TUBA1A: variants seen among roughly 807,000 people sequenced by gnomAD.
The protein encoded by TUBA1A is tubulin alpha-1A chain.
Under a neutral mutation model 34.6 loss-of-function variants are expected in TUBA1A, and 7 were observed. The observed-to-expected ratio is 0.20, with a 90% CI of 0.11 to 0.38. The LOEUF is 0.38. TUBA1A is among the 10% of genes least tolerant of loss of function. TUBA1A has a pLI of 1.00. For missense variants in TUBA1A, 19 were observed against 581.3 expected (o/e 0.03, Z 9.95); for synonymous variants, 193 against 210.2 (o/e 0.92, Z 0.71).
chr12:49,187,838 A>G (rs986243381), intron 1 of TUBA1A: 10 of 976,718 alleles, frequency 1.0e-5, no homozygotes, highest in South Asian at 4.8e-5. Flanking sequence ...TTTGCATCCA[A>G]TAGAGGTTTT....
Position 49,188,996 on chromosome 12 carries a change from C to G in TUBA1A, c.-17G>C, listed in dbSNP as rs886704623. ...TCTCACCATGGTTGCTGCTTCGCGACTGCCGAGCTGATGGCGGAGACGAAG... is the reference window on the plus strand; with the variant it reads ...TCTCACCATGGTTGCTGCTTCGCGAGTGCCGAGCTGATGGCGGAGACGAAG... On this transcript the variant is annotated 5_prime_UTR_variant, in exon 1 of 4. Coordinates refer to ENST00000301071, the MANE Select transcript of TUBA1A (RefSeq NM_006009.4). The surrounding 1 kb of genome is among the most constrained non-coding windows in gnomAD (Gnocchi z 4.9). 1 of 1,614,166 alleles carries G rather than the reference C, an allele frequency of 6.2e-7. No homozygotes were observed. Among genetic ancestry groups the G allele is most frequent in the African/African-American group, 1.3e-5 (1 of 74,958 alleles).
chr12:49,186,109 T>A lies in TUBA1A; in HGVS notation c.376-119A>T. 6.6e-7 allele frequency: 1 copy of A among 1,524,726 alleles called. No homozygotes were observed. Among genetic ancestry groups the A allele is most frequent in the Non-Finnish European group, 8.8e-7 (1 of 1,133,742 alleles). 94.4% of individuals were successfully genotyped at this position (1,524,726 alleles called of 1,614,324 possible). A position where few individuals can be genotyped will look rare whatever the true frequency, so the allele number is the denominator to read the frequency against. On this transcript the variant is annotated intron_variant, in intron 3 of 3. Coordinates refer to ENST00000301071, the MANE Select transcript of TUBA1A (RefSeq NM_006009.4). This position sits in a 1 kb window ranked among gnomAD's most constrained non-coding sequence, Gnocchi z 6.6. ...AGGACTTAGATCTTATTTTGACAAA[T>A]GCTTTTTAAAAAATTCTCATTAACA...
rs1942220938 is a variant in TUBA1A, at chr12:49,189,042, A to T, written c.-63T>A. 15 of 1,609,262 alleles carry T rather than the reference A, an allele frequency of 9.3e-6. No individual in the cohort carries two copies. Among genetic ancestry groups the T allele is most frequent in the Non-Finnish European group, 1.3e-5 (15 of 1,175,708 alleles). ...CGAAGAGGAGAGGTTGTTGCTTCTT[A>T]CAGCGCGACTCTTAGGCGGTCGATG... On this transcript the variant is annotated 5_prime_UTR_variant, in exon 1 of 4. Transcript: ENST00000301071.
At chr12:49,187,464 T>G in intron 1 of TUBA1A, 1 of 986,624 alleles carries the variant, frequency 1.0e-6, no homozygotes, top group South Asian at 4.7e-5. Context: ...ATTGTGCTGT[T>G]TTGCCAGTTT....
chr12:49,187,269 C>A, intron 1 of TUBA1A: 2 of 1,090,484 alleles, frequency 1.8e-6, no homozygotes, highest in Non-Finnish European at 2.2e-6. Context: ...TGTACTGCAG[C>A]TGAGGCAAGA....
chr12:49,187,565 T>C (rs1942195901), intron 1 of TUBA1A: 1 of 984,904 alleles, frequency 1.0e-6, no homozygotes, highest in Non-Finnish European at 1.2e-6. Flanking sequence ...ATGCGGAGTA[T>C]AATTCTTCTT....
Position 49,186,361 on chromosome 12 carries a change from G to A in TUBA1A, c.324C>T (p.Tyr108=), listed in dbSNP as rs1236410746. 2 of 1,613,830 alleles carry A rather than the reference G, an allele frequency of 1.2e-6. No homozygotes were observed. Among genetic ancestry groups the A allele is most frequent in the African/African-American group, 1.3e-5 (1 of 75,048 alleles). Residue 108 remains tyrosine (Y), a synonymous_variant, in exon 3 of 4, where the codon TAC becomes TAT. Coordinates refer to ENST00000301071, the MANE Select transcript of TUBA1A (RefSeq NM_006009.4). This position sits in a 1 kb window ranked among gnomAD's most constrained non-coding sequence, Gnocchi z 6.6. ...GGTCAATGATCTCCTTGCCAATGGT[G>A]TAGTGCCCTCGGGCATAGTTATTGG... ...DAANNYARGH[Y]TIGKEIIDLV...
chr12:49,187,819 T>C (rs1942199136), intron 1 of TUBA1A: 1 of 983,810 alleles, frequency 1.0e-6, no homozygotes, highest in African/African-American at 1.8e-5. Flanking sequence ...TCACATAATA[T>C]TCATATTCTT....
Position 49,188,023 on chromosome 12 carries a change from G to GACACACACACACACACACACAC in TUBA1A, c.3+932_3+953dup, listed in dbSNP as rs58704368. Reference sequence around the variant, plus strand: ...AACGTGCAGTCCAGACAGACAGACAGACACACACACACACACACACACACT... The same window carrying GACACACACACACACACACACAC: ...AACGTGCAGTCCAGACAGACAGACAGACACACACACACACACACACACACACACACACACACACACACACACT... On this transcript the variant is annotated intron_variant, in intron 1 of 3. Coordinates refer to ENST00000301071, the MANE Select transcript of TUBA1A (RefSeq NM_006009.4). The surrounding 1 kb of genome is among the most constrained non-coding windows in gnomAD (Gnocchi z 4.9). 8.8e-6 allele frequency: 6 copies of GACACACACACACACACACACAC among 683,336 alleles called. No individual in the cohort carries two copies. The African/African-American group carries it at 1.4e-4, about 16-fold the overall frequency. The allele number at this position is 683,336 out of a possible 1,614,324, so 42.3% of individuals were successfully genotyped here.
chr12:49,188,335 A>G lies in TUBA1A; in HGVS notation c.3+642T>C. On this transcript the variant is annotated intron_variant, in intron 1 of 3. Coordinates refer to ENST00000301071, the MANE Select transcript of TUBA1A (RefSeq NM_006009.4). The surrounding 1 kb of genome is among the most constrained non-coding windows in gnomAD (Gnocchi z 4.9). ...AGGGCGAACCCCGCCCAGTGGCTCC[A>G]ACGCCATAGAAGCCAGAAACAAACA... The G allele has an allele frequency of 1.3e-6, 2 of 1,525,022 alleles. No individual in the cohort carries two copies. Among genetic ancestry groups the G allele is most frequent in the Admixed American group, 2.0e-5 (1 of 50,174 alleles). 94.5% of individuals were successfully genotyped at this position (1,525,022 alleles called of 1,614,324 possible). A position where few individuals can be genotyped will look rare whatever the true frequency, so the allele number is the denominator to read the frequency against.
intron 1 of TUBA1A, chr12:49,187,926 G>C (rs1942200946): frequency 1.0e-6 from 1 of 983,720 alleles, no homozygotes; most frequent in African/African-American, 1.8e-5. Context: ...GGGGCGGCGG[G>C]GAAGGGCGTT....
At position 49,188,100 on chromosome 12, in the gene TUBA1A, A is replaced by T; in HGVS notation, c.3+877T>A. ...CAGACACACACACACACACACACAC[A>T]CACACACACACACTTCAGTCGGTCA... On this transcript the variant is annotated intron_variant, in intron 1 of 3. Coordinates refer to ENST00000301071, the MANE Select transcript of TUBA1A (RefSeq NM_006009.4). The surrounding 1 kb of genome is among the most constrained non-coding windows in gnomAD (Gnocchi z 4.9). The T allele has an allele frequency of 1.0e-6, 1 of 984,400 alleles. No homozygotes were observed. Among genetic ancestry groups the T allele is most frequent in the Non-Finnish European group, 1.2e-6 (1 of 829,524 alleles). The allele number at this position is 984,400 out of a possible 1,614,324, so 61.0% of individuals were successfully genotyped here.
In TUBA1A at chr12:49,185,783, G is replaced by A; in HGVS notation, c.583C>T (p.Leu195=). ...ATGAAGGCACAATCAGAGTGCTCCA[G>A]GGTGGTGTGGGTGGTGAGGATGGAG... ...YNSILTTHTT[L]EHSDCAFMVD... is the part of the protein sequence containing the mutation. The change falls in exon 4 of 4, where the codon CTG becomes TTG. Residue 195 remains leucine, a synonymous_variant. Coordinates refer to ENST00000301071, the MANE Select transcript of TUBA1A (RefSeq NM_006009.4). 8.1e-6 allele frequency: 13 copies of A among 1,613,944 alleles called. No individual in the cohort carries two copies. The highest frequency in any genetic ancestry group is 1.1e-5 in the South Asian group (1 of 91,072).
chr12:49,188,726 G>A lies in TUBA1A; in HGVS notation c.3+251C>T. 6.9e-7 allele frequency: 1 copy of A among 1,449,628 alleles called. No individual in the cohort carries two copies. Among genetic ancestry groups the A allele is most frequent in the Non-Finnish European group, 9.0e-7 (1 of 1,110,060 alleles). The allele number at this position is 1,449,628 out of a possible 1,614,324, so 89.8% of individuals were successfully genotyped here. On this transcript the variant is annotated intron_variant, in intron 1 of 3. Transcript: ENST00000301071. This position sits in a 1 kb window ranked among gnomAD's most constrained non-coding sequence, Gnocchi z 4.9. Reference sequence around the variant, plus strand: ...CCCCGAAAGTCTCTCGGATAACACAGGCGCCTAGGCGCCGCCTTTGTTCCT... The same window carrying A: ...CCCCGAAAGTCTCTCGGATAACACAAGCGCCTAGGCGCCGCCTTTGTTCCT...
chr12:49,188,148 A>G lies in TUBA1A; in HGVS notation c.3+829T>C. The G allele has an allele frequency of 3.0e-6, 3 of 985,160 alleles. No homozygotes were observed. The highest frequency in any genetic ancestry group is 3.6e-6 in the Non-Finnish European group (3 of 829,880). 61.0% of individuals were successfully genotyped at this position (985,160 alleles called of 1,614,324 possible). A position where few individuals can be genotyped will look rare whatever the true frequency, so the allele number is the denominator to read the frequency against. On this transcript the variant is annotated intron_variant, in intron 1 of 3. Coordinates refer to ENST00000301071, the MANE Select transcript of TUBA1A (RefSeq NM_006009.4). This position sits in a 1 kb window ranked among gnomAD's most constrained non-coding sequence, Gnocchi z 4.9. ...TCAGGGCAGGGCGTCCCCAGACCAG[A>G]CATTAAAGAGCTTGTGAAGTGAATT... is the stretch of plus-strand genomic sequence containing the variant.
At position 49,186,906 on chromosome 12, in the gene TUBA1A, AAATATTTCTAAT is replaced by A; in HGVS notation, c.4-85_4-74del. On this transcript the variant is annotated intron_variant, in intron 1 of 3. Coordinates refer to ENST00000301071, the MANE Select transcript of TUBA1A (RefSeq NM_006009.4). This position sits in a 1 kb window ranked among gnomAD's most constrained non-coding sequence, Gnocchi z 6.6. ...ATTTCAAACTTATAGGAAATTTCAA[AAATATTTCTAAT>A]AATATACAGATATTTTTCTAAATTA... 1.5e-5 allele frequency: 24 copies of A among 1,575,766 alleles called. No individual in the cohort carries two copies. The highest frequency in any genetic ancestry group is 2.1e-5 in the Non-Finnish European group (24 of 1,162,656).
At position 49,189,014 on chromosome 12, in the gene TUBA1A, A is replaced by G. The variant is rs1592261676; in HGVS notation, c.-35T>C. 3 of 1,613,954 alleles carry G rather than the reference A, an allele frequency of 1.9e-6. No individual in the cohort carries two copies. The highest frequency in any genetic ancestry group is 1.7e-5 in the Admixed American group (1 of 60,004). ...TTCGCGACTGCCGAGCTGATGGCGG[A>G]GACGAAGAGGAGAGGTTGTTGCTTC... is the stretch of plus-strand genomic sequence containing the variant. On this transcript the variant is annotated 5_prime_UTR_variant, in exon 1 of 4. Coordinates refer to ENST00000301071, the MANE Select transcript of TUBA1A (RefSeq NM_006009.4).
chr12:49,184,928 T>C lies in TUBA1A; in HGVS notation c.*82A>G. ...AGAGCATACACTGCTACATACAAAT[T>C]AACTGATCAGACCACAACTTTTCAA... On this transcript the variant is annotated 3_prime_UTR_variant, in exon 4 of 4. Coordinates refer to ENST00000301071, the MANE Select transcript of TUBA1A (RefSeq NM_006009.4). 6.2e-7 allele frequency: 1 copy of C among 1,609,558 alleles called. No individual in the cohort carries two copies. Among genetic ancestry groups the C allele is most frequent in the African/African-American group, 1.3e-5 (1 of 74,948 alleles).
In TUBA1A at chr12:49,185,307, A is replaced by G; in HGVS notation, c.1059T>C (p.Val353=). The change falls in exon 4 of 4, where the codon GTT becomes GTC. Residue 353 remains valine, a synonymous_variant. Coordinates refer to ENST00000301071, the MANE Select transcript of TUBA1A (RefSeq NM_006009.4). The stretch of plus-strand genomic sequence containing the variant: ...CAGTGGGAGGCTGGTAGTTGATGCC[A>G]ACCTTGAAGCCAGTGGGGCACCAAT... ...FVDWCPTGFK[V]GINYQPPTVV... is the part of the protein sequence containing the mutation. The G allele has an allele frequency of 6.2e-7, 1 of 1,614,164 alleles. No individual in the cohort carries two copies. Among genetic ancestry groups the G allele is most frequent in the Non-Finnish European group, 8.5e-7 (1 of 1,180,026 alleles).
Sources: gnomAD v4.1 joint callset for allele counts on GRCh38, gnomAD v4.1.1 for gene constraint, Gnocchi (gnomAD v3.1) non-coding constraint, MANE v1.5 for transcripts, NCBI Gene and HGNC (gene_info 2026-07-23, HGNC 2026-07-21) for gene names.